Variants in RAI2 observed in about 807,000 individuals in gnomAD.
The protein encoded by RAI2 is retinoic acid induced 2.
A neutral mutation model predicts 15.3 loss-of-function variants in RAI2; 5 were observed. The ratio of observed to expected loss-of-function variants is 0.33; its 90% CI spans 0.17 to 0.69. The LOEUF is 0.69. Among genes scored for constraint, RAI2 ranks in the 30% least tolerant of loss-of-function variants. RAI2 has a pLI of 0.69. For missense variants in RAI2, 424 were observed against 424.7 expected (o/e 1.00, Z 0.01); for synonymous variants, 191 against 184.0 (o/e 1.04, Z -0.31).
At chrX:17,802,241 T>TAACA (rs930259551) in intron 1 of RAI2, among the ~76,000 whole-genome samples, 2 of 112,025 alleles carry the variant, frequency 1.8e-5, no homozygotes, top group Admixed American at 1.9e-4. Context: ...AACCCCAATT[T>TAACA]AACAGATGAT....
chrX:17,824,810 T>C (rs947551652), intron 1 of RAI2, among the ~76,000 whole-genome samples: 8 of 112,018 alleles, frequency 7.1e-5, no homozygotes, highest in African/African-American at 1.9e-4. Context: ...TTGAAGGCAT[T>C]ACACATTAGA....
chrX:17,827,402 C>T (rs760265498), intron 1 of RAI2, among the ~76,000 whole-genome samples: 1 of 112,279 alleles, frequency 8.9e-6, no homozygotes. Flanking sequence ...AACTTCTTCA[C>T]AATACTATTT....
chrX:17,849,237 G>A (rs1349333546), intron 1 of RAI2, among the ~76,000 whole-genome samples: 1 of 112,503 alleles, frequency 8.9e-6, no homozygotes, highest in Non-Finnish European at 1.9e-5. Context: ...GGAATGGTGC[G>A]GTGAAACAAG....
chrX:17,827,282 C>T (rs1245836305), intron 1 of RAI2, among the ~76,000 whole-genome samples: 1 of 112,000 alleles, frequency 8.9e-6, no homozygotes, highest in Admixed American at 9.4e-5. Context: ...TGGCTCAGAA[C>T]CCCGCCCAAG....
chrX:17,824,955 G>T (rs746160952), intron 1 of RAI2, among the ~76,000 whole-genome samples: 7 of 112,263 alleles, frequency 6.2e-5, no homozygotes, highest in Non-Finnish European at 1.1e-4. Context: ...TGAATCAGGG[G>T]CTGGAATCAA....
chrX:17,808,899 G>T (rs2067011115), intron 1 of RAI2, among the ~76,000 whole-genome samples: 1 of 112,423 alleles, frequency 8.9e-6, no homozygotes, highest in Non-Finnish European at 1.9e-5. Context: ...AATTCTACAT[G>T]TACATGGTTT....
At chrX:17,859,120 C>T (rs188323887) in intron 1 of RAI2, among the ~76,000 whole-genome samples, 10 of 111,583 alleles carry the variant, frequency 9.0e-5, no homozygotes, top group Non-Finnish European at 1.5e-4. Flanking sequence ...TTCCAGCCCA[C>T]CCCTGGCTTC....
In RAI2 at chrX:17,800,717, C is replaced by T; in HGVS notation, c.1294G>A (p.Gly432Ser). The T allele has an allele frequency of 9.9e-6, 12 of 1,211,630 alleles. No individual in the cohort carries two copies. In the South Asian group the frequency reaches 1.9e-4, roughly 20 times the overall value. The change falls in exon 2 of 2, where the codon GGC (glycine) becomes AGC (serine). Residue 432 changes from glycine (G) to serine (S), a missense_variant. Gly to Ser is a moderately conservative substitution (Grantham distance 56, BLOSUM62 0). Transcript: ENST00000451717. ...ATGACCTTGGCCGCCTGGGACTCGC[C>T]CACCATCTCAATGTTATTTTCAGCC... The part of the protein sequence containing the change: ...VKAENNIEMV[G>S]ESQAAKVIVS...
intron 1 of RAI2, among the ~76,000 whole-genome samples, chrX:17,843,853 A>AC (rs2067427699): frequency 8.9e-6 from 1 of 112,584 alleles, no homozygotes; most frequent in East Asian, 2.8e-4. Context: ...CCCTAAGAGT[A>AC]CCCCATCAAA....
chrX:17,830,918 G>C (rs1601921540), intron 1 of RAI2, among the ~76,000 whole-genome samples: 1 of 112,144 alleles, frequency 8.9e-6, no homozygotes, highest in African/African-American at 3.2e-5. Flanking sequence ...GATAAAGGTA[G>C]AGAAAGAAGA....
chrX:17,824,284 G>A (rs1184445257), intron 1 of RAI2, among the ~76,000 whole-genome samples: 2 of 112,316 alleles, frequency 1.8e-5, no homozygotes, highest in Non-Finnish European at 3.8e-5. Context: ...TGCCTGCAGC[G>A]CTGATTAAAG....
At chrX:17,835,151 C>A (rs932486665) in intron 1 of RAI2, among the ~76,000 whole-genome samples, 1 of 112,038 alleles carries the variant, frequency 8.9e-6, no homozygotes. Context: ...GGCGCCCATA[C>A]GCTACCATTC....
intron 1 of RAI2, among the ~76,000 whole-genome samples, chrX:17,812,773 G>T (rs1415340941): frequency 8.9e-6 from 1 of 111,914 alleles, no homozygotes; most frequent in Non-Finnish European, 1.9e-5. Flanking sequence ...AGGATAAGAG[G>T]GAGAGAGAAA....
chrX:17,817,983 C>A (rs1422546943), intron 1 of RAI2, among the ~76,000 whole-genome samples: 5 of 112,119 alleles, frequency 4.5e-5, no homozygotes. Flanking sequence ...GGGTTCTTCT[C>A]CCAAATGCTG....
intron 1 of RAI2, among the ~76,000 whole-genome samples, chrX:17,817,980 T>C (rs1299754954): frequency 8.9e-6 from 1 of 111,995 alleles, no homozygotes; most frequent in African/African-American, 3.3e-5. Flanking sequence ...ACTGGGTTCT[T>C]CTCCCAAATG....
At chrX:17,849,987 T>C (rs1360305195) in intron 1 of RAI2, among the ~76,000 whole-genome samples, 1 of 112,075 alleles carries the variant, frequency 8.9e-6, no homozygotes, top group Non-Finnish European at 1.9e-5. Context: ...CATAACCTTT[T>C]TGGAAATCTC....
intron 1 of RAI2, among the ~76,000 whole-genome samples, chrX:17,815,954 TA>T (rs1431300702): frequency 1.8e-5 from 2 of 109,923 alleles, no homozygotes; most frequent in African/African-American, 6.6e-5. Flanking sequence ...GAGGAAAAGA[TA>T]AAACCGTTTA....
Position 17,800,238 on chromosome X carries a change from A to T in RAI2, c.*180T>A, listed in dbSNP as rs892501368. On this transcript the variant is annotated 3_prime_UTR_variant, in exon 2 of 2. Transcript: ENST00000451717. The stretch of plus-strand genomic sequence containing the variant: ...TGCTCTTATTTACTCATTTGTGAAA[A>T]GTCAAAAATTAAAAAAGAAAATGAT... 2.4e-5 allele frequency: 14 copies of T among 571,695 alleles called. No individual in the cohort carries two copies. The highest frequency in any genetic ancestry group is 3.5e-5 in the Non-Finnish European group (14 of 396,371). 47.1% of individuals were successfully genotyped at this position (571,695 alleles called of 1,213,427 possible).
At position 17,806,614 on chromosome X, in the gene RAI2, G is replaced by A. The variant is rs181666069; in HGVS notation, c.-24-4580C>T. ...AGTGGGGAAAAGACTCAGGGCCCAG[G>A]ACAGATGAGGAGGTAGGGAGGGACT... On this transcript the variant is annotated intron_variant, in intron 1 of 1. Coordinates refer to ENST00000451717, the MANE Select transcript of RAI2 (RefSeq NM_021785.6). 1.5e-3 allele frequency among the ~76,000 whole-genome samples: 166 copies of A among 111,646 alleles called. 2 individuals carry two copies. Among genetic ancestry groups the A allele is most frequent in the African/African-American group, 5.1e-3 (157 of 30,711 alleles).
Sources: gnomAD v4.1 joint callset for allele counts (sites outside exome capture counted in the v4.1 genomes callset) on GRCh38, gnomAD v4.1.1 for gene constraint, MANE v1.5 for transcripts, NCBI Gene and HGNC (gene_info 2026-07-23, HGNC 2026-07-21) for gene names.